GRM1: variants seen among roughly 807,000 people sequenced by gnomAD.
The protein encoded by GRM1 is glutamate metabotropic receptor 1, also known as metabotropic glutamate receptor 1.
Under a neutral mutation model 90.9 loss-of-function variants are expected in GRM1, and 33 were observed. The ratio of observed to expected loss-of-function variants is 0.36; its 90% CI spans 0.28 to 0.49. The LOEUF is 0.49. GRM1 is among the 20% of genes least tolerant of loss of function. The pLI is 0.99. For synonymous variants in GRM1, 700 were observed against 613.2 expected, an observed-to-expected ratio of 1.14 and a Z score of -2.09; for missense variants, 1,190 against 1,534.3, an observed-to-expected ratio of 0.78 and a Z score of 3.75.
chr6:146,133,524 A>G (rs1776486312), intron 1 of GRM1, among the ~76,000 whole-genome samples: 2 of 152,138 alleles, frequency 1.3e-5, no homozygotes, highest in Admixed American at 1.3e-4. Context: ...ATTTATGTAT[A>G]TCTTTAACCT....
At chr6:146,066,874 T>C (rs1010490863) in intron 1 of GRM1, among the ~76,000 whole-genome samples, 1 of 152,130 alleles carries the variant, frequency 6.6e-6, no homozygotes, top group Non-Finnish European at 1.5e-5. Flanking sequence ...AGCTCAGATC[T>C]TTGAGAACTT....
intron 2 of GRM1, among the ~76,000 whole-genome samples, chr6:146,270,674 A>T (rs1237418753): frequency 6.6e-6 from 1 of 152,170 alleles, no homozygotes; most frequent in Non-Finnish European, 1.5e-5. Context: ...TTGGTGACCA[A>T]GAAAAAATTA....
chr6:146,203,192 AAAATAAAT>A (rs60263974), intron 2 of GRM1, among the ~76,000 whole-genome samples: 7,060 of 141,722 alleles, frequency 0.05, 271 homozygotes, highest in Admixed American at 0.1. Flanking sequence ...ACTCCGTCTC[AAAATAAAT>A]AAATAAATAA....
intron 2 of GRM1, among the ~76,000 whole-genome samples, chr6:146,261,537 T>C (rs1386356059): frequency 2.0e-5 from 3 of 152,264 alleles, no homozygotes; most frequent in African/African-American, 2.4e-5. Context: ...CTGTAAACCA[T>C]TGTCAATCTT....
chr6:146,382,514 T>A (rs1017420448), intron 5 of GRM1, among the ~76,000 whole-genome samples: 2 of 152,214 alleles, frequency 1.3e-5, no homozygotes, highest in Non-Finnish European at 2.9e-5. Context: ...GACTTTTGTG[T>A]CTTATCTTGG....
chr6:146,408,635 A>C (rs1382057567), intron 7 of GRM1, among the ~76,000 whole-genome samples: 2 of 152,180 alleles, frequency 1.3e-5, no homozygotes, highest in African/African-American at 4.8e-5. Flanking sequence ...GAAACTGGGG[A>C]TATGCCTTAG....
intron 7 of GRM1, among the ~76,000 whole-genome samples, chr6:146,406,652 ATC>A (rs1237372424): frequency 6.6e-6 from 1 of 152,138 alleles, no homozygotes; most frequent in East Asian, 1.9e-4. Context: ...AACATGGCAA[ATC>A]TCTGTCTCTA....
chr6:146,395,391 C>T (rs1317215706), intron 6 of GRM1, among the ~76,000 whole-genome samples: 1 of 151,932 alleles, frequency 6.6e-6, no homozygotes, highest in African/African-American at 2.4e-5. Flanking sequence ...TTTTCTTCAT[C>T]TTTATTTAGT....
chr6:146,395,755 T>A (rs1257622048), intron 6 of GRM1, among the ~76,000 whole-genome samples: 2 of 152,304 alleles, frequency 1.3e-5, no homozygotes, highest in East Asian at 3.9e-4. Flanking sequence ...AAGTTTAAAA[T>A]GTTATACTAT....
intron 2 of GRM1, among the ~76,000 whole-genome samples, chr6:146,212,657 T>A (rs533298375): frequency 1.6e-4 from 24 of 152,306 alleles, no homozygotes; most frequent in African/African-American, 5.8e-4. Flanking sequence ...ATAGGATTTT[T>A]AAAAATGTAT....
chr6:146,331,774 A>T (rs1784596386), intron 3 of GRM1, among the ~76,000 whole-genome samples: 1 of 152,150 alleles, frequency 6.6e-6, no homozygotes, highest in African/African-American at 2.4e-5. Flanking sequence ...TTAAAAAAAA[A>T]TTCTAATCCC....
At chr6:146,367,503 G>T (rs1775737096) in intron 5 of GRM1, among the ~76,000 whole-genome samples, 3 of 152,048 alleles carry the variant, frequency 2.0e-5, no homozygotes, top group Admixed American at 1.3e-4. Flanking sequence ...ACTGAGGTTT[G>T]GTGTAGGGAT....
At chr6:146,156,646 T>A (rs1777538272) in intron 1 of GRM1, among the ~76,000 whole-genome samples, 1 of 152,254 alleles carries the variant, frequency 6.6e-6, no homozygotes, top group Non-Finnish European at 1.5e-5. Context: ...TGTTCTTCCC[T>A]GCTTCTCTTT....
intron 3 of GRM1, among the ~76,000 whole-genome samples, chr6:146,342,628 C>T (rs1017849700): frequency 6.6e-6 from 1 of 152,138 alleles, no homozygotes; most frequent in African/African-American, 2.4e-5. Flanking sequence ...TGAGGTTAGT[C>T]CTATCAACCG....
At chr6:146,128,548 T>G (rs1776280657) in intron 1 of GRM1, among the ~76,000 whole-genome samples, 1 of 152,138 alleles carries the variant, frequency 6.6e-6, no homozygotes, top group Non-Finnish European at 1.5e-5. Flanking sequence ...GTACTTTTAA[T>G]CCTTCGCAGC....
rs974008495 is a variant in GRM1, at chr6:146,411,676, GC to G, written c.2660+11978del. Among the ~76,000 whole-genome samples the G allele has an allele frequency of 3.5e-4, 54 of 152,282 alleles. 1 individual carries two copies. The highest frequency in any genetic ancestry group is 3.4e-3 in the Middle Eastern group (1 of 294). Reference sequence around the variant, plus strand: ...AGAGATTACAGTGGCCTGACCTGTGGCTTTGACAGGTGGGACGAAGACAGTG... The same window carrying G: ...AGAGATTACAGTGGCCTGACCTGTGGTTTGACAGGTGGGACGAAGACAGTG... On this transcript the variant is annotated intron_variant, in intron 7 of 7. Coordinates refer to ENST00000282753, the MANE Select transcript of GRM1 (RefSeq NM_001278064.2).
At chr6:146,042,158 T>C (rs1378210043) in intron 1 of GRM1, among the ~76,000 whole-genome samples, 4 of 151,986 alleles carry the variant, frequency 2.6e-5, no homozygotes, top group Non-Finnish European at 4.4e-5. Flanking sequence ...ACCACCACAA[T>C]GGGGATTAAA....
At chr6:146,196,284 G>A (rs1215701426) in intron 2 of GRM1, among the ~76,000 whole-genome samples, 3 of 146,634 alleles carry the variant, frequency 2.0e-5, no homozygotes, top group African/African-American at 8.0e-5. Context: ...TTTATCTAGT[G>A]CAGTGGATTT....
chr6:146,088,976 G>A (rs1688850552), intron 1 of GRM1, among the ~76,000 whole-genome samples: 1 of 152,054 alleles, frequency 6.6e-6, no homozygotes, highest in Admixed American at 6.6e-5. Context: ...GACCCATGAT[G>A]GCCATTCTTG....
Sources: gnomAD v4.1 joint callset for allele counts (sites outside exome capture counted in the v4.1 genomes callset) on GRCh38, gnomAD v4.1.1 for gene constraint, MANE v1.5 for transcripts, NCBI Gene and HGNC (gene_info 2026-07-23, HGNC 2026-07-21) for gene names.